The following FAAH2 variants were observed in gnomAD, a reference collection of about 807,000 sequenced individuals.
The protein encoded by FAAH2 is fatty acid amide hydrolase 2.
Under a neutral mutation model 36.9 loss-of-function variants are expected in FAAH2, and 60 were observed. That is an observed-to-expected ratio of 1.63 (90% CI 1.32 to 2.02). The LOEUF is 2.02. Among genes scored for constraint, FAAH2 ranks in the 30% most tolerant of loss-of-function variants. The probability of loss-of-function intolerance (pLI) is 0.00; values close to 1 mark genes in which losing one functional copy is unlikely to be tolerated. For missense variants in FAAH2, 689 were observed against 397.5 expected, an observed-to-expected ratio of 1.73 and a Z score of -6.23; for synonymous variants, 214 against 143.8, an observed-to-expected ratio of 1.49 and a Z score of -3.49.
the FAAH2 span, among the ~76,000 whole-genome samples, chrX:57,149,874 C>A: frequency 2.7e-5 from 3 of 111,601 alleles, no homozygotes; most frequent in East Asian, 8.4e-4. Context: ...TTGGATCCTT[C>A]CTCCTTTCTC....
the FAAH2 span, chrX:57,135,193 A>G: frequency 8.6e-6 from 1 of 115,896 alleles, no homozygotes; most frequent in African/African-American, 3.3e-5. Flanking sequence ...TCCTTTGTGT[A>G]TCCTTTAGCC....
chrX:57,328,251 T>C (rs1349825791), intron 3 of FAAH2, among the ~76,000 whole-genome samples: 1 of 111,453 alleles, frequency 9.0e-6, no homozygotes, highest in African/African-American at 3.3e-5. Flanking sequence ...CTGCCCCTAC[T>C]TGGGGGTGCC....
intron 3 of FAAH2, among the ~76,000 whole-genome samples, chrX:57,328,334 G>A (rs768427833): frequency 3.4e-4 from 38 of 111,748 alleles, no homozygotes; most frequent in African/African-American, 1.1e-3. Flanking sequence ...CTCAAGCTGC[G>A]TGCTGGGAGA....
Position 57,286,980 on chromosome X carries a change from C to T in FAAH2, c.155C>T (p.Ser52Leu). ...GTGACTGAACCATTGCTTCTGCTTT[C>T]GGGGATGCAGCTGGCCAAGCTGATC... ...RPVTEPLLLL[S>L]GMQLAKLIRQ... The change falls in exon 1 of 11, where the codon TCG becomes TTG. Residue 52 changes from serine to leucine, a missense_variant. By Grantham distance (145) the Ser-to-Leu change is moderately radical (BLOSUM62 -2). Coordinates refer to ENST00000374900, the MANE Select transcript of FAAH2 (RefSeq NM_174912.4). 1 of 1,200,188 alleles carries T rather than the reference C, an allele frequency of 8.3e-7. No homozygotes were observed. Among genetic ancestry groups the T allele is most frequent in the East Asian group, 3.0e-5 (1 of 33,329 alleles).
Position 57,369,208 on chromosome X carries a change from A to G in FAAH2, c.743-9443A>G, listed in dbSNP as rs2054491950. Among the ~76,000 whole-genome samples the G allele has an allele frequency of 2.7e-5, 3 of 110,585 alleles. No homozygotes were observed. The South Asian group carries it at 1.1e-3, about 42-fold the overall frequency. On this transcript the variant is annotated intron_variant, in intron 5 of 10. Transcript: ENST00000374900. ...ATAAAATAATGTAAAAGAGCAAATA[A>G]TGTAAAAGAGCAAATGAAATAGGTG...
chrX:57,357,656 G>C (rs1412282593), intron 5 of FAAH2, among the ~76,000 whole-genome samples: 1 of 111,807 alleles, frequency 8.9e-6, no homozygotes, highest in Non-Finnish European at 1.9e-5. Flanking sequence ...ATGCCAGTTA[G>C]AGTGGCGATA....
chrX:57,475,077 G>A (rs1229424788), intron 10 of FAAH2, among the ~76,000 whole-genome samples: 2 of 111,849 alleles, frequency 1.8e-5, no homozygotes, highest in Non-Finnish European at 3.8e-5. Context: ...TAAATTCCCT[G>A]TAGATTGTGG....
At chrX:57,482,870 GA>G (rs1204153167) in intron 10 of FAAH2, among the ~76,000 whole-genome samples, 1 of 109,841 alleles carries the variant, frequency 9.1e-6, no homozygotes, top group African/African-American at 3.3e-5. Flanking sequence ...TTTTTGCAGA[GA>G]AGTCCACTCT....
chrX:57,230,882 C>A, the FAAH2 span, among the ~76,000 whole-genome samples: 1 of 111,242 alleles, frequency 9.0e-6, no homozygotes, highest in Non-Finnish European at 1.9e-5. Flanking sequence ...AATTTGTTTC[C>A]ATTGTCTGAT....
the FAAH2 span, among the ~76,000 whole-genome samples, chrX:57,126,562 A>G: frequency 4.5e-5 from 5 of 112,306 alleles, no homozygotes; most frequent in African/African-American, 1.3e-4. Context: ...ACTATCATCA[A>G]TAGACTGAGA....
At chrX:57,401,770 C>G (rs1259446968) in intron 7 of FAAH2, among the ~76,000 whole-genome samples, 1 of 111,264 alleles carries the variant, frequency 9.0e-6, no homozygotes, top group Admixed American at 9.5e-5. Context: ...GTTGCCCAGG[C>G]TTCAGGATTA....
the FAAH2 span, among the ~76,000 whole-genome samples, chrX:57,210,705 A>T: frequency 8.9e-6 from 1 of 112,524 alleles, no homozygotes; most frequent in Admixed American, 9.4e-5. Context: ...AGGAAAGTTT[A>T]TTCCCACCAT....
At chrX:57,193,489 T>A in the FAAH2 span, among the ~76,000 whole-genome samples, 1 of 111,829 alleles carries the variant, frequency 8.9e-6, no homozygotes, top group Non-Finnish European at 1.9e-5. Flanking sequence ...AAGCATGTGA[T>A]CTCTGTGACC....
At chrX:57,468,912 C>G (rs1283956371) in intron 10 of FAAH2, among the ~76,000 whole-genome samples, 2 of 112,107 alleles carry the variant, frequency 1.8e-5, no homozygotes, top group Non-Finnish European at 3.8e-5. Context: ...AGCAGAAACT[C>G]TACAAACCAG....
the FAAH2 span, among the ~76,000 whole-genome samples, chrX:57,141,747 T>A: frequency 8.9e-6 from 1 of 111,804 alleles, no homozygotes; most frequent in South Asian, 3.7e-4. Flanking sequence ...ACAATTTTTT[T>A]ATTTTCTGTG....
At chrX:57,336,338 T>C (rs1447289744) in intron 4 of FAAH2, among the ~76,000 whole-genome samples, 2 of 110,400 alleles carry the variant, frequency 1.8e-5, no homozygotes, top group East Asian at 5.7e-4. Context: ...CCCACCCCTA[T>C]CTCCCTTCAT....
chrX:57,419,927 T>A (rs1286798724), intron 7 of FAAH2, among the ~76,000 whole-genome samples: 2 of 112,162 alleles, frequency 1.8e-5, no homozygotes, highest in Non-Finnish European at 3.8e-5. Flanking sequence ...AGTTTCAGCT[T>A]TCTCCATATG....
rs143847493 is a variant in FAAH2, at chrX:57,449,128, G to A, written c.1423+410G>A. Among the ~76,000 whole-genome samples, 472 of 111,870 alleles carry A rather than the reference G, an allele frequency of 4.2e-3. 3 individuals carry two copies. The highest frequency in any genetic ancestry group is 0.015 in the African/African-American group (453 of 30,803). ...CAATTCTCCAAGGGATCATTTACTT[G>A]ACTTAGCTATCATCCCCTTTGAATT... On this transcript the variant is annotated intron_variant, in intron 10 of 10. Coordinates refer to ENST00000374900, the MANE Select transcript of FAAH2 (RefSeq NM_174912.4).
At chrX:57,228,884 G>A in the FAAH2 span, 2 of 110,976 alleles carry the variant, frequency 1.8e-5, no homozygotes, top group Admixed American at 1.9e-4. Context: ...AGAGTGAGCT[G>A]AGTACTTTAC....
Sources: gnomAD v4.1 joint callset for allele counts (sites outside exome capture counted in the v4.1 genomes callset) on GRCh38, gnomAD v4.1.1 for gene constraint, MANE v1.5 for transcripts, NCBI Gene and HGNC (gene_info 2026-07-23, HGNC 2026-07-21) for gene names.